The following MAGI1 variants were observed in gnomAD, a reference collection of about 807,000 sequenced individuals.
MAGI1 encodes membrane-associated guanylate kinase, WW and PDZ domain-containing protein 1.
MAGI1 carries 58 observed loss-of-function variants against 139.9 expected under a neutral mutation model. The ratio of observed to expected loss-of-function variants is 0.41; its 90% CI spans 0.34 to 0.52. The LOEUF (loss-of-function observed/expected upper bound fraction) is 0.52. Ranked by LOEUF, MAGI1 falls within the 20% of genes least tolerant of loss-of-function variation. The pLI is 0.12. For missense variants in MAGI1, 1,874 were observed against 1,901.6 expected (o/e 0.99, Z 0.27); for synonymous variants, 812 against 737.9 (o/e 1.10, Z -1.63).
At chr3:65,668,524 CTT>C (rs2086658953) in intron 1 of MAGI1, among the ~76,000 whole-genome samples, 1 of 148,698 alleles carries the variant, frequency 6.7e-6, no homozygotes. Context: ...TCAAAACTCT[CTT>C]GTGAGTGATG....
chr3:65,682,719 T>A (rs1374847585), intron 1 of MAGI1, among the ~76,000 whole-genome samples: 3 of 152,066 alleles, frequency 2.0e-5, no homozygotes, highest in Non-Finnish European at 2.9e-5. Context: ...AAAAGCTTGA[T>A]CCACTCAAGG....
chr3:65,719,018 A>G lies in MAGI1; in HGVS notation c.314-96930T>C, dbSNP rs1177147145. On this transcript the variant is annotated intron_variant, in intron 1 of 22. Transcript: ENST00000402939. ...CTACCCAGTAGCACATAACCCTACC[A>G]AAAAAAAAAAAAAAAAAAGACACAA... is the stretch of plus-strand genomic sequence containing the variant. 6.8e-5 allele frequency among the ~76,000 whole-genome samples: 3 copies of G among 43,988 alleles called. No homozygotes were observed. In the South Asian group the frequency reaches 1.0e-3, roughly 15 times the overall value. 28.9% of individuals were successfully genotyped at this position (43,988 alleles called of 152,430 possible).
At chr3:65,499,272 C>A (rs1414983642) in intron 2 of MAGI1, among the ~76,000 whole-genome samples, 2 of 152,014 alleles carry the variant, frequency 1.3e-5, no homozygotes, top group Non-Finnish European at 2.9e-5. Context: ...AAATGAGTGT[C>A]CACGAATATG....
chr3:65,764,422 A>G (rs1456401080), intron 1 of MAGI1, among the ~76,000 whole-genome samples: 3 of 152,202 alleles, frequency 2.0e-5, no homozygotes, highest in Non-Finnish European at 4.4e-5. Context: ...TAGCTCTGAC[A>G]TTGCAAGGGT....
chr3:65,976,133 T>G (rs901226275), intron 1 of MAGI1, among the ~76,000 whole-genome samples: 1 of 152,178 alleles, frequency 6.6e-6, no homozygotes, highest in African/African-American at 2.4e-5. Context: ...TATGTCTCTC[T>G]GCACTGGTGG....
At chr3:65,883,903 G>C (rs1221125553) in intron 1 of MAGI1, among the ~76,000 whole-genome samples, 3 of 152,062 alleles carry the variant, frequency 2.0e-5, no homozygotes, top group Non-Finnish European at 2.9e-5. Context: ...TTCATCGAAA[G>C]AAATAAACTT....
intron 1 of MAGI1, among the ~76,000 whole-genome samples, chr3:65,694,756 T>C (rs1054571530): frequency 2.0e-5 from 3 of 152,326 alleles, no homozygotes; most frequent in East Asian, 1.9e-4. Context: ...GGTCCTCTAA[T>C]GCATAATAAA....
intron 1 of MAGI1, among the ~76,000 whole-genome samples, chr3:65,743,234 A>G (rs2035424323): frequency 6.6e-6 from 1 of 152,218 alleles, no homozygotes; most frequent in South Asian, 2.1e-4. Context: ...AGTCCTTTCA[A>G]AATCCATTCA....
intron 1 of MAGI1, among the ~76,000 whole-genome samples, chr3:65,792,019 G>A (rs76172437): frequency 8.6e-4 from 130 of 151,566 alleles, no homozygotes; most frequent in Non-Finnish European, 1.6e-3. Context: ...CCAAGTCTAC[G>A]TATTTTTTTT....
At chr3:65,407,992 A>G (rs1294191666) in intron 12 of MAGI1, among the ~76,000 whole-genome samples, 3 of 152,164 alleles carry the variant, frequency 2.0e-5, no homozygotes, top group Admixed American at 1.3e-4. Context: ...CATGGCCTTG[A>G]TTGAAAAATG....
intron 1 of MAGI1, among the ~76,000 whole-genome samples, chr3:65,638,571 C>CA (rs1434775304): frequency 7.2e-6 from 1 of 139,032 alleles, no homozygotes; most frequent in Non-Finnish European, 1.5e-5. Flanking sequence ...GCTGGGACTA[C>CA]AGGAGTGCGC....
At chr3:65,374,716 G>A (rs980539265) in intron 18 of MAGI1, among the ~76,000 whole-genome samples, 4 of 152,172 alleles carry the variant, frequency 2.6e-5, no homozygotes, top group Admixed American at 6.5e-5. Flanking sequence ...TCTGTAGGAT[G>A]TTTTGAAGCA....
chr3:65,803,465 TC>T (rs2040645856), intron 1 of MAGI1, among the ~76,000 whole-genome samples: 1 of 152,212 alleles, frequency 6.6e-6, no homozygotes, highest in African/African-American at 2.4e-5. Context: ...ACATGACCTC[TC>T]TACATTCTCA....
intron 1 of MAGI1, among the ~76,000 whole-genome samples, chr3:65,652,586 C>A (rs959614678): frequency 3.3e-5 from 5 of 152,190 alleles, no homozygotes; most frequent in Non-Finnish European, 4.4e-5. Context: ...ACTGCTTTAA[C>A]TTAGGGACTA....
intron 3 of MAGI1, among the ~76,000 whole-genome samples, chr3:65,483,100 A>G (rs1951391374): frequency 6.6e-6 from 1 of 152,234 alleles, no homozygotes; most frequent in Non-Finnish European, 1.5e-5. Context: ...AAAAACCTTA[A>G]ACTTCAAAAA....
At chr3:65,424,033 C>T (rs1292057894) in intron 12 of MAGI1, among the ~76,000 whole-genome samples, 2 of 152,200 alleles carry the variant, frequency 1.3e-5, no homozygotes, top group African/African-American at 4.8e-5. Flanking sequence ...CCCATCATCA[C>T]ATTGCAAATT....
intron 1 of MAGI1, among the ~76,000 whole-genome samples, chr3:65,637,078 C>A (rs1049244432): frequency 2.6e-5 from 4 of 152,218 alleles, no homozygotes; most frequent in Non-Finnish European, 5.9e-5. Flanking sequence ...CTGTTCTTGG[C>A]AGCTCCAAAC....
At chr3:65,536,906 ATGG>A (rs1283298478) in intron 2 of MAGI1, among the ~76,000 whole-genome samples, 1 of 152,176 alleles carries the variant, frequency 6.6e-6, no homozygotes, top group Non-Finnish European at 1.5e-5. Flanking sequence ...GATTGCTAAC[ATGG>A]TTTGGGTACC....
intron 1 of MAGI1, among the ~76,000 whole-genome samples, chr3:65,913,106 C>T (rs1054513448): frequency 1.3e-5 from 2 of 151,916 alleles, no homozygotes; most frequent in African/African-American, 4.8e-5. Flanking sequence ...AACCCTACTA[C>T]AAAAATTAGC....
Sources: allele counts gnomAD v4.1 joint callset (sites outside exome capture counted in the v4.1 genomes callset), GRCh38; gene constraint gnomAD v4.1.1; transcripts MANE v1.5; gene names NCBI Gene and HGNC (gene_info 2026-07-23, HGNC 2026-07-21).